BCHE: variants seen among roughly 807,000 people sequenced by gnomAD.
BCHE encodes the protein cholinesterase.
A neutral mutation model predicts 51.3 loss-of-function variants in BCHE; 48 were observed. The ratio of observed to expected loss-of-function variants is 0.94; its 90% CI spans 0.74 to 1.19. The LOEUF is 1.19. BCHE is among the 50% of genes most tolerant of loss of function. BCHE has a pLI of 0.00. For missense variants in BCHE, 847 were observed against 708.2 expected, an observed-to-expected ratio of 1.20 and a Z score of -2.23; for synonymous variants, 251 against 238.0, an observed-to-expected ratio of 1.05 and a Z score of -0.50.
intron 2 of BCHE, chr3:165,827,996 A>T (rs1472612638): frequency 5.0e-5 from 23 of 455,650 alleles, no homozygotes; most frequent in Non-Finnish European, 1.0e-4. Context: ...CCATCATAGT[A>T]CTTCAATGAA....
intron 2 of BCHE, among the ~76,000 whole-genome samples, chr3:165,813,085 T>A (rs906168774): frequency 1.3e-5 from 2 of 151,892 alleles, no homozygotes; most frequent in Admixed American, 6.6e-5. Flanking sequence ...TGTTTAAAAC[T>A]TTTTTACCAG....
chr3:165,780,569 A>T (rs1712655465), intron 3 of BCHE, among the ~76,000 whole-genome samples: 1 of 152,188 alleles, frequency 6.6e-6, no homozygotes, highest in Non-Finnish European at 1.5e-5. Context: ...TATAAGAGAA[A>T]AGCAAACAAC....
At chr3:165,819,846 C>T (rs1392334442) in intron 2 of BCHE, among the ~76,000 whole-genome samples, 3 of 152,038 alleles carry the variant, frequency 2.0e-5, no homozygotes, top group Non-Finnish European at 4.4e-5. Flanking sequence ...TGTTACTTTG[C>T]AATATTTAAG....
chr3:165,789,367 C>G (rs1211954662), intron 2 of BCHE, among the ~76,000 whole-genome samples: 1 of 151,800 alleles, frequency 6.6e-6, no homozygotes, highest in African/African-American at 2.4e-5. Context: ...GATATTTCAG[C>G]ACATAGTTGA....
chr3:165,779,360 G>T (rs1208157102), intron 3 of BCHE, among the ~76,000 whole-genome samples: 1 of 151,986 alleles, frequency 6.6e-6, no homozygotes, highest in Non-Finnish European at 1.5e-5. Context: ...TTGAAAACCG[G>T]CACAAGACAA....
chr3:165,825,103 A>G (rs1576668568), intron 2 of BCHE, among the ~76,000 whole-genome samples: 1 of 152,176 alleles, frequency 6.6e-6, no homozygotes, highest in East Asian at 1.9e-4. Context: ...GACATACTAT[A>G]TAAGACACTC....
chr3:165,829,973 C>T lies in BCHE; in HGVS notation c.1061G>A (p.Gly354Glu). Reference sequence around the variant, plus strand: ...AGCACCATAGACTAAAAAAGCTGTCCCTTCATCTTTATTAACACCCACCAA... The same window carrying T: ...AGCACCATAGACTAAAAAAGCTGTCTCTTCATCTTTATTAACACCCACCAA... ...QILVGVNKDEGTAFLVYGAPG... is the reference protein window; with the variant it reads ...QILVGVNKDEETAFLVYGAPG... Residue 354 changes from glycine (G) to glutamate (E), a missense_variant, in exon 2 of 4, where the codon GGG becomes GAG. Transcript: ENST00000264381. The T allele has an allele frequency of 6.2e-7, 1 of 1,613,640 alleles. No homozygotes were observed. Among genetic ancestry groups the T allele is most frequent in the African/African-American group, 1.3e-5 (1 of 74,980 alleles).
Position 165,801,531 on chromosome 3 carries a change from AG to A in BCHE, c.1518-15221del, listed in dbSNP as rs1713645907. On this transcript the variant is annotated intron_variant, in intron 2 of 3. Coordinates refer to ENST00000264381, the MANE Select transcript of BCHE (RefSeq NM_000055.4). ...TACATCATTATGAAATATGGAACAA[AG>A]CATATAATATACATTATAAAGATAA... 2.6e-5 allele frequency among the ~76,000 whole-genome samples: 4 copies of A among 152,324 alleles called. No individual in the cohort carries two copies. In the South Asian group the frequency reaches 8.3e-4, roughly 32 times the overall value.
intron 3 of BCHE, among the ~76,000 whole-genome samples, chr3:165,780,969 CA>C (rs1162758106): frequency 6.6e-6 from 1 of 152,010 alleles, no homozygotes; most frequent in African/African-American, 2.4e-5. Context: ...CAACTAGGTG[CA>C]GTGGCTCACA....
chr3:165,820,177 A>G (rs1714461503), intron 2 of BCHE, among the ~76,000 whole-genome samples: 1 of 137,086 alleles, frequency 7.3e-6, no homozygotes, highest in African/African-American at 2.5e-5. Context: ...TCAGTTTTAT[A>G]GCTCTCTTTG....
chr3:165,773,600 T>G, intron 3 of BCHE, 94 bp from the exon 4 acceptor site: 1 of 1,005,500 alleles, frequency 9.9e-7, no homozygotes, highest in Non-Finnish European at 1.5e-6. Context: ...TTTCTCTAAC[T>G]ACACAGTACA....
chr3:165,823,020 T>G (rs1224421193), intron 2 of BCHE, among the ~76,000 whole-genome samples: 1 of 152,100 alleles, frequency 6.6e-6, no homozygotes, highest in Non-Finnish European at 1.5e-5. Flanking sequence ...TATAGACCTG[T>G]GTGTTATTTA....
intron 2 of BCHE, among the ~76,000 whole-genome samples, chr3:165,816,310 T>A (rs557578675): frequency 6.6e-6 from 1 of 152,138 alleles, no homozygotes; most frequent in South Asian, 2.1e-4. Flanking sequence ...ATTAAGTAGA[T>A]AGAGTTGATG....
chr3:165,824,089 T>C (rs1410611017), intron 2 of BCHE, among the ~76,000 whole-genome samples: 1 of 151,946 alleles, frequency 6.6e-6, no homozygotes, highest in Non-Finnish European at 1.5e-5. Flanking sequence ...AGATTATTCT[T>C]ACATGAAAGC....
At chr3:165,794,780 G>A (rs1244907668) in intron 2 of BCHE, among the ~76,000 whole-genome samples, 1 of 152,094 alleles carries the variant, frequency 6.6e-6, no homozygotes, top group African/African-American at 2.4e-5. Flanking sequence ...GTGTGTCTGT[G>A]TGTTTGCATC....
intron 2 of BCHE, among the ~76,000 whole-genome samples, chr3:165,798,324 G>A (rs1420322253): frequency 2.0e-5 from 3 of 152,078 alleles, no homozygotes. Context: ...TGGTGTGGAT[G>A]TTGGCTAAGA....
intron 2 of BCHE, among the ~76,000 whole-genome samples, chr3:165,806,747 T>C (rs1209433895): frequency 1.3e-5 from 2 of 152,144 alleles, no homozygotes; most frequent in Non-Finnish European, 2.9e-5. Flanking sequence ...AATAATTATA[T>C]AGTTTTTTAA....
At chr3:165,776,054 A>T (rs576834366) in intron 3 of BCHE, among the ~76,000 whole-genome samples, 8 of 152,054 alleles carry the variant, frequency 5.3e-5, no homozygotes, top group Admixed American at 5.2e-4. Flanking sequence ...ATGATTAAAA[A>T]CCATGTAACT....
At chr3:165,819,542 A>G (rs1173578097) in intron 2 of BCHE, among the ~76,000 whole-genome samples, 1 of 152,146 alleles carries the variant, frequency 6.6e-6, no homozygotes, top group Non-Finnish European at 1.5e-5. Context: ...CCAGTAAGTG[A>G]CACTACTTTT....
Sources: allele counts gnomAD v4.1 joint callset (sites outside exome capture counted in the v4.1 genomes callset), GRCh38; gene constraint gnomAD v4.1.1; transcripts MANE v1.5; gene names NCBI Gene and HGNC (gene_info 2026-07-23, HGNC 2026-07-21).